TTC6: variants seen among roughly 807,000 people sequenced by gnomAD.
The protein encoded by TTC6 is tetratricopeptide repeat protein 6.
Under a neutral mutation model 210.4 loss-of-function variants are expected in TTC6, and 172 were observed. The ratio of observed to expected loss-of-function variants is 0.82; its 90% CI spans 0.72 to 0.93. The LOEUF is 0.93. Among genes scored for constraint, TTC6 ranks in the 40% least tolerant of loss-of-function variants. The probability of loss-of-function intolerance (pLI) is 0.00; values close to 1 mark genes in which losing one functional copy is unlikely to be tolerated. For synonymous variants in TTC6, 804 were observed against 819.6 expected (o/e 0.98, Z 0.32); for missense variants, 2,414 against 2,318.1 (o/e 1.04, Z -0.85).
intron 5 of TTC6, among the ~76,000 whole-genome samples, chr14:37,712,553 A>G (rs867889438): frequency 6.6e-6 from 1 of 152,182 alleles, no homozygotes; most frequent in African/African-American, 2.4e-5. Flanking sequence ...AGGAGGCTTA[A>G]TTGACTCACA....
intron 7 of TTC6, among the ~76,000 whole-genome samples, chr14:37,726,872 A>G (rs1013458097): frequency 6.6e-6 from 1 of 152,096 alleles, no homozygotes; most frequent in African/African-American, 2.4e-5. Flanking sequence ...AGAGTTGCAT[A>G]TATTTTGTCA....
chr14:37,749,085 T>C (rs1865543979), exon 11 of TTC6: 2 of 1,535,746 alleles, frequency 1.3e-6, no homozygotes, highest in East Asian at 2.4e-5. Context: ...CCAGAAAATA[T>C]TGATCCTCGG....
At chr14:37,596,787 A>G (rs2095605479) in intron 1 of TTC6, among the ~76,000 whole-genome samples, 1 of 152,234 alleles carries the variant, frequency 6.6e-6, no homozygotes, top group Admixed American at 6.5e-5. Context: ...AGTTTTTAAA[A>G]TGTTATTAAT....
chr14:37,753,614 T>C lies in TTC6; in HGVS notation c.3266+379T>C, dbSNP rs1040949. 7.2e-4 allele frequency among the ~76,000 whole-genome samples: 109 copies of C among 152,304 alleles called. 2 individuals are homozygous for C. In the East Asian group the frequency reaches 0.02, roughly 29 times the overall value. ...GATGGAGTCTCACACTATCACCCTG[T>C]CTACGGTGCAGTGACGCAGTCATGG... On this transcript the variant is annotated intron_variant, in intron 14 of 30. Coordinates refer to ENST00000553443, the Ensembl canonical transcript of TTC6.
chr14:37,730,144 G>A (rs1401499636), intron 7 of TTC6, among the ~76,000 whole-genome samples: 1 of 152,184 alleles, frequency 6.6e-6, no homozygotes, highest in Middle Eastern at 3.2e-3. Flanking sequence ...TGGTTGTGGT[G>A]AATGGGAAAT....
At chr14:37,766,337 G>A (rs117951174) in intron 14 of TTC6, among the ~76,000 whole-genome samples, 5,820 of 152,178 alleles carry the variant, frequency 0.038, 142 homozygotes, top group South Asian at 0.096. Flanking sequence ...TAACCAATAC[G>A]TAGTTTTTTG....
chr14:37,618,809 A>C (rs1297541927), upstream of TTC6, among the ~76,000 whole-genome samples: 4 of 152,212 alleles, frequency 2.6e-5, no homozygotes, highest in Non-Finnish European at 4.4e-5. Flanking sequence ...ATGTACTGAG[A>C]AGTGTTAAAC....
intron 1 of TTC6, among the ~76,000 whole-genome samples, chr14:37,671,563 T>C (rs1011907156): frequency 4.6e-5 from 7 of 152,154 alleles, no homozygotes; most frequent in African/African-American, 1.7e-4. Context: ...TTTTGAACGG[T>C]TTTACAATAG....
At chr14:37,725,061 T>G (rs1416426199) in intron 7 of TTC6, 59 bp downstream of exon 9, 1 of 983,114 alleles carries the variant, frequency 1.0e-6, no homozygotes, top group East Asian at 2.8e-5. Context: ...ATAAATAAAT[T>G]GTATAATTGG....
At position 37,714,664 on chromosome 14, in the gene TTC6, T is replaced by G; in HGVS notation, c.1581T>G (p.Tyr527Ter). The change falls in exon 6 of 31, where the codon TAT becomes TAG. Residue 527 changes from tyrosine to a stop codon, truncating the protein, a stop_gained. Transcript: ENST00000553443. LOFTEE classifies it high-confidence loss of function. ...TCTTATCACATTGTAGAATATTGTA[T>G]GGAATTCCTGTTATGGATGACAACC... 1 of 1,535,058 alleles carries G rather than the reference T, an allele frequency of 6.5e-7. No individual in the cohort carries two copies. The highest frequency in any genetic ancestry group is 8.7e-7 in the Non-Finnish European group (1 of 1,146,350).
At chr14:37,629,214 G>A (rs1367497489) in intron 1 of TTC6, among the ~76,000 whole-genome samples, 2 of 152,214 alleles carry the variant, frequency 1.3e-5, no homozygotes, top group Admixed American at 6.5e-5. Context: ...CCATTTTCAC[G>A]ATATTGATTC....
chr14:37,652,316 A>G (rs947016157), intron 1 of TTC6, among the ~76,000 whole-genome samples: 61 of 152,196 alleles, frequency 4.0e-4, no homozygotes, highest in African/African-American at 1.4e-3. Context: ...CCGATCAGAG[A>G]ATAATTTACA....
rs372512394 is a variant in TTC6, at chr14:37,614,210, C to A, written c.-155+7468C>A. 2.3e-3 allele frequency among the ~76,000 whole-genome samples: 356 copies of A among 152,050 alleles called. 2 individuals carry two copies. Among genetic ancestry groups the A allele is most frequent in the African/African-American group, 8.0e-3 (331 of 41,484 alleles). On this transcript the variant is annotated intron_variant, in intron 2 of 2. Transcript: ENST00000556845. ...TAATAATATCTTTTGTTTTTCATTT[C>A]CTTACCTATTGGCTTTTTAGTTGCA... is the stretch of plus-strand genomic sequence containing the variant.
At chr14:37,807,299 T>C in intron 22 of TTC6, 21 bp from the exon 25 acceptor site, 1 of 1,087,584 alleles carries the variant, frequency 9.2e-7, no homozygotes, top group Non-Finnish European at 1.2e-6. Flanking sequence ...ATTCCTGCTT[T>C]CTCTCTCTCT....
chr14:37,652,093 C>T (rs555800247), intron 1 of TTC6, among the ~76,000 whole-genome samples: 1 of 152,138 alleles, frequency 6.6e-6, no homozygotes, highest in Non-Finnish European at 1.5e-5. Context: ...TGTCTGAATT[C>T]AGGCAGGGCA....
chr14:37,699,662 A>T (rs180927771), intron 4 of TTC6, among the ~76,000 whole-genome samples: 1 of 152,314 alleles, frequency 6.6e-6, no homozygotes, highest in Admixed American at 6.5e-5. Flanking sequence ...GGCTGAGGTG[A>T]TGAAGGGTAT....
At chr14:37,676,584 A>G (rs1053879469) in intron 1 of TTC6, among the ~76,000 whole-genome samples, 8 of 151,928 alleles carry the variant, frequency 5.3e-5, no homozygotes, top group Admixed American at 3.9e-4. Flanking sequence ...CAATTTGTCT[A>G]TTTTTTCTTT....
intron 22 of TTC6, among the ~76,000 whole-genome samples, chr14:37,807,057 T>A (rs2096119942): frequency 6.6e-6 from 1 of 152,170 alleles, no homozygotes; most frequent in South Asian, 2.1e-4. Context: ...TATCTACAAC[T>A]TGTTTTCCAA....
At position 37,773,251 on chromosome 14, in the gene TTC6, G is replaced by C. The variant is rs911022340; in HGVS notation, c.3267-14217G>C. 5.6e-4 allele frequency among the ~76,000 whole-genome samples: 86 copies of C among 152,224 alleles called. 1 individual carries two copies. Among genetic ancestry groups the C allele is most frequent in the African/African-American group, 2.0e-3 (83 of 41,538 alleles). ...CTCTGTTGATAGTTTCTTTTGCTGT[G>C]CAGAAGCTCTTTAGTTTAATTAGGT... On this transcript the variant is annotated intron_variant, in intron 14 of 30. Transcript: ENST00000553443.
Sources: gnomAD v4.1 joint callset for allele counts (sites outside exome capture counted in the v4.1 genomes callset) on GRCh38, gnomAD v4.1.1 for gene constraint, MANE v1.5 for transcripts, NCBI Gene and HGNC (gene_info 2026-07-23, HGNC 2026-07-21) for gene names.